The following FAS variants were observed in gnomAD, a reference collection of about 807,000 sequenced individuals.
FAS encodes the protein tumor necrosis factor receptor superfamily member 6.
Under a neutral mutation model 33.2 loss-of-function variants are expected in FAS, and 5 were observed. That is an observed-to-expected ratio of 0.15 (90% CI 0.08 to 0.32). FAS has a LOEUF of 0.32. Among genes scored for constraint, FAS ranks in the 10% least tolerant of loss-of-function variants. The probability of loss-of-function intolerance (pLI) is 1.00; values close to 1 mark genes in which losing one functional copy is unlikely to be tolerated. For synonymous variants in FAS, 131 were observed against 130.7 expected, an observed-to-expected ratio of 1.00 and a Z score of -0.01; for missense variants, 339 against 386.0, an observed-to-expected ratio of 0.88 and a Z score of 1.02.
Position 89,006,615 on chromosome 10 carries a change from A to G in FAS, c.197-1085A>G, listed in dbSNP as rs1394363069. Among the ~76,000 whole-genome samples, 3 of 152,156 alleles carry G rather than the reference A, an allele frequency of 2.0e-5. No homozygotes were observed. In the East Asian group the frequency reaches 5.8e-4, roughly 29 times the overall value. ...GATATTTTCTGTCACTTTCTTCTTA[A>G]TTCTCTATTCCCTTACCTTCATCTA... On this transcript the variant is annotated intron_variant, in intron 2 of 8. Coordinates refer to ENST00000652046, the MANE Select transcript of FAS (RefSeq NM_000043.6).
chr10:89,015,222 T>G lies in FAS; in HGVS notation c.*772T>G. On this transcript the variant is annotated 3_prime_UTR_variant, in exon 9 of 9. Coordinates refer to ENST00000652046, the MANE Select transcript of FAS (RefSeq NM_000043.6). ...CACCTCTCCATTTTTGCCTTGGTGC[T>G]CATCTTAATGGCCTAATGCACCCCC... 1.9e-6 allele frequency: 1 copy of G among 534,882 alleles called. No homozygotes were observed. Among genetic ancestry groups the G allele is most frequent in the Non-Finnish European group, 3.6e-6 (1 of 276,726 alleles). 33.1% of individuals were successfully genotyped at this position (534,882 alleles called of 1,614,324 possible).
At chr10:88,973,055 T>C in intron 1 of FAS, 1 of 1,093,476 alleles carries the variant, frequency 9.1e-7, no homozygotes, top group Non-Finnish European at 1.3e-6. Flanking sequence ...TTTTAAAAGC[T>C]AACCTTGTAA....
intron 1 of FAS, among the ~76,000 whole-genome samples, chr10:89,000,786 C>T (rs1275106512): frequency 6.6e-6 from 1 of 152,192 alleles, no homozygotes; most frequent in Non-Finnish European, 1.5e-5. Context: ...TTGGCTCATG[C>T]CTGTAATCCC....
At chr10:89,003,583 G>A (rs1848055789) in intron 2 of FAS, among the ~76,000 whole-genome samples, 1 of 152,188 alleles carries the variant, frequency 6.6e-6, no homozygotes, top group African/African-American at 2.4e-5. Context: ...ATATGTCTCA[G>A]CACTTCCCTT....
At chr10:88,999,608 C>T (rs1847815484) in intron 1 of FAS, among the ~76,000 whole-genome samples, 1 of 152,174 alleles carries the variant, frequency 6.6e-6, no homozygotes, top group South Asian at 2.1e-4. Context: ...GGTGCCTAAA[C>T]AATACTGCAT....
chr10:89,015,752 G>T lies in FAS; in HGVS notation c.*1302G>T. Reference sequence around the variant, plus strand: ...CTTGTGTTTGGAATTATAAAATATAGGTAAAAGTACGTAATTAAATAATGT... The same window carrying T: ...CTTGTGTTTGGAATTATAAAATATATGTAAAAGTACGTAATTAAATAATGT... On this transcript the variant is annotated 3_prime_UTR_variant, in exon 9 of 9. Coordinates refer to ENST00000652046, the MANE Select transcript of FAS (RefSeq NM_000043.6). 1 of 494,470 alleles carries T rather than the reference G, an allele frequency of 2.0e-6. No individual in the cohort carries two copies. The highest frequency in any genetic ancestry group is 3.9e-6 in the Non-Finnish European group (1 of 257,312). The allele number at this position is 494,470 out of a possible 1,614,324, so 30.6% of individuals were successfully genotyped here.
At chr10:88,977,584 C>G (rs1461232356) in intron 2 of FAS, among the ~76,000 whole-genome samples, 1 of 151,814 alleles carries the variant, frequency 6.6e-6, no homozygotes, top group Non-Finnish European at 1.5e-5. Flanking sequence ...AAAAAGTGGG[C>G]AAAGGACATG....
At chr10:88,998,937 C>T (rs940960581) in intron 1 of FAS, among the ~76,000 whole-genome samples, 7 of 152,026 alleles carry the variant, frequency 4.6e-5, no homozygotes, top group African/African-American at 1.7e-4. Context: ...AGGCGGATCA[C>T]GGGGTCGAGA....
intron 2 of FAS, among the ~76,000 whole-genome samples, chr10:88,979,743 C>T (rs989833054): frequency 6.6e-6 from 1 of 152,114 alleles, no homozygotes; most frequent in Non-Finnish European, 1.5e-5. Flanking sequence ...GTTACATGTG[C>T]TTGACTGTAT....
At chr10:89,013,217 A>G in intron 7 of FAS, 126 bp from the exon 8 acceptor site, 1 of 876,392 alleles carries the variant, frequency 1.1e-6, no homozygotes, top group African/African-American at 1.7e-5. Flanking sequence ...TAGCTTCCTA[A>G]TTTTATACAT....
chr10:88,967,133 G>A (rs1846332696), intron 1 of FAS, among the ~76,000 whole-genome samples: 1 of 152,146 alleles, frequency 6.6e-6, no homozygotes, highest in Admixed American at 6.5e-5. Flanking sequence ...TTTAAAAGCT[G>A]CAACTTGGAA....
At chr10:88,985,675 G>A (rs955925710), upstream of FAS, among the ~76,000 whole-genome samples, 2 of 152,222 alleles carry the variant, frequency 1.3e-5, no homozygotes, top group African/African-American at 4.8e-5. Context: ...CCTGGCACTA[G>A]ATGGGCTTGG....
intron 2 of FAS, among the ~76,000 whole-genome samples, chr10:88,975,495 A>G (rs537639362): frequency 6.6e-6 from 1 of 152,328 alleles, no homozygotes; most frequent in East Asian, 1.9e-4. Context: ...TCCAATACGT[A>G]AAGAATCAGG....
chr10:88,999,172 T>TAAAAA (rs1305255295), intron 1 of FAS, among the ~76,000 whole-genome samples: 54,422 of 143,538 alleles, frequency 0.38, 10,580 homozygotes, highest in South Asian at 0.43. Flanking sequence ...AATAAATAAA[T>TAAAAA]AAAATAAAAT....
At position 89,016,987 on chromosome 10, in the gene FAS, G is replaced by C. The variant is rs1848829303; in HGVS notation, c.*2537G>C. On this transcript the variant is annotated 3_prime_UTR_variant, in exon 9 of 9. Transcript: ENST00000652046. ...TTACTCCTGATTGGTAATTTGTTTGGGTTTAGAATTCTATACAAGGCCATT... is the reference window on the plus strand; with the variant it reads ...TTACTCCTGATTGGTAATTTGTTTGCGTTTAGAATTCTATACAAGGCCATT... 5.5e-6 allele frequency: 1 copy of C among 182,134 alleles called. No homozygotes were observed. The highest frequency in any genetic ancestry group is 2.0e-4 in the South Asian group (1 of 5,044). The allele number at this position is 182,134 out of a possible 1,614,324, so 11.3% of individuals were successfully genotyped here. A position where few individuals can be genotyped will look rare whatever the true frequency, so the allele number is the denominator to read the frequency against.
In FAS at chr10:89,008,863, T is replaced by C. The variant is rs745358096; in HGVS notation, c.335-26T>C. 11 of 1,604,132 alleles carry C rather than the reference T, an allele frequency of 6.9e-6. No individual in the cohort carries two copies. The African/African-American group carries it at 1.5e-4, about 21-fold the overall frequency. ...TCTGCTTATAATTAGCCGCTATAACTAATAGTTTCCAAACTGATTTTCTAG... is the reference window on the plus strand; with the variant it reads ...TCTGCTTATAATTAGCCGCTATAACCAATAGTTTCCAAACTGATTTTCTAG... On this transcript the variant is annotated intron_variant, in intron 3 of 8. Transcript: ENST00000652046.
At chr10:89,002,926 C>G in intron 1 of FAS, 103 bp from the exon 2 acceptor site, 1 of 1,215,358 alleles carries the variant, frequency 8.2e-7, no homozygotes, top group Non-Finnish European at 1.2e-6. Context: ...ATTGTCTTTG[C>G]CTGTGCACAG....
chr10:88,969,492 C>T (rs1846384450), intron 1 of FAS, among the ~76,000 whole-genome samples: 1 of 152,188 alleles, frequency 6.6e-6, no homozygotes, highest in Admixed American at 6.5e-5. Context: ...AGGAGACTTT[C>T]AGAGCTTTAG....
chr10:88,965,948 G>A (rs1846311330), intron 1 of FAS, among the ~76,000 whole-genome samples: 1 of 152,182 alleles, frequency 6.6e-6, no homozygotes, highest in Non-Finnish European at 1.5e-5. Context: ...TGGTGAGTTA[G>A]AGCAGAGTTT....
Sources: gnomAD v4.1 joint callset for allele counts (sites outside exome capture counted in the v4.1 genomes callset) on GRCh38, gnomAD v4.1.1 for gene constraint, MANE v1.5 for transcripts, NCBI Gene and HGNC (gene_info 2026-07-23, HGNC 2026-07-21) for gene names.